The following PTPRB variants were observed in gnomAD, a reference collection of about 807,000 sequenced individuals.
The protein encoded by PTPRB is receptor-type tyrosine-protein phosphatase beta.
Under a neutral mutation model 238.1 loss-of-function variants are expected in PTPRB, and 97 were observed. The observed-to-expected ratio is 0.41, with a 90% CI of 0.35 to 0.48. The LOEUF is 0.48. Among genes scored for constraint, PTPRB ranks in the 20% least tolerant of loss-of-function variants. The pLI is 0.30. For missense variants in PTPRB, 2,292 were observed against 2,681.9 expected (o/e 0.85, Z 3.21); for synonymous variants, 970 against 995.4 (o/e 0.97, Z 0.48).
intron 1 of PTPRB, 114 bp from the exon 2 acceptor site, chr12:70,636,180 TG>T: frequency 9.2e-7 from 1 of 1,089,442 alleles, no homozygotes; most frequent in Non-Finnish European, 1.3e-6. Context: ...ACTTATATTT[TG>T]TTATTTCTAT....
intron 26 of PTPRB, chr12:70,539,235 G>A: frequency 1.8e-6 from 1 of 570,886 alleles, no homozygotes; most frequent in Middle Eastern, 4.5e-4. Flanking sequence ...GATAACTGAT[G>A]TGCCCCAGGT....
chr12:70,567,657 A>T (rs747330754), intron 14 of PTPRB, among the ~76,000 whole-genome samples: 10 of 152,192 alleles, frequency 6.6e-5, no homozygotes, highest in Non-Finnish European at 8.8e-5. Flanking sequence ...CCTATTGACC[A>T]GTCACTTGTG....
chr12:70,537,447 T>C (rs1334884298), intron 28 of PTPRB, among the ~76,000 whole-genome samples: 1 of 152,196 alleles, frequency 6.6e-6, no homozygotes, highest in African/African-American at 2.4e-5. Context: ...CCATTGCCTT[T>C]TCTTGCCTCA....
rs369157738 is a variant in PTPRB at position 70,587,106 on chromosome 12, A to G, written c.2212T>C (p.Phe738Leu). Residue 738 changes from phenylalanine (F) to leucine (L), a missense_variant, in exon 9 of 34, where the codon TTC (phenylalanine) becomes CTC (leucine). Around this residue, in one of 4 missense-constraint regions of PTPRB, gnomAD observed 1,205 missense variants for 1,287.8 expected, o/e 0.94. Transcript: ENST00000334414. ...CCAGGCACCAGGTCAGTAAAAGTGA[A>G]TTCTTTGGCATCTTTGGAGAGTGAC... ...HKSLSKDAKE[F>L]TFTDLVPGRK... 1.2e-6 allele frequency: 2 copies of G among 1,613,804 alleles called. No homozygotes were observed. Among genetic ancestry groups the G allele is most frequent in the Non-Finnish European group, 1.7e-6 (2 of 1,179,832 alleles).
chr12:70,529,118 T>TCAAA (rs1872810782), intron 32 of PTPRB, among the ~76,000 whole-genome samples: 1 of 152,024 alleles, frequency 6.6e-6, no homozygotes, highest in Non-Finnish European at 1.5e-5. Context: ...CTTGGGGAAC[T>TCAAA]CAAACATTAA....
chr12:70,565,334 T>C (rs994689506), intron 15 of PTPRB, among the ~76,000 whole-genome samples: 3 of 152,322 alleles, frequency 2.0e-5, no homozygotes, highest in African/African-American at 7.2e-5. Flanking sequence ...AGTCTCACCT[T>C]TCCATCATGC....
chr12:70,611,433 C>T (rs1041754574), intron 3 of PTPRB, among the ~76,000 whole-genome samples: 4 of 152,104 alleles, frequency 2.6e-5, no homozygotes, highest in Admixed American at 6.5e-5. Flanking sequence ...GGATTACAGG[C>T]GTGTGCCACT....
intron 33 of PTPRB, among the ~76,000 whole-genome samples, chr12:70,523,824 C>CT (rs1456767463): frequency 5.3e-5 from 8 of 151,104 alleles, no homozygotes; most frequent in South Asian, 2.1e-4. Context: ...CTTTTCTTTT[C>CT]TTTTTTTTGA....
intron 2 of PTPRB, among the ~76,000 whole-genome samples, chr12:70,625,470 C>A (rs1838107317): frequency 6.6e-6 from 1 of 151,702 alleles, no homozygotes; most frequent in East Asian, 1.9e-4. Flanking sequence ...AAATTTGAAT[C>A]ATTTCTTATG....
rs1185747628 is a variant in PTPRB, at chr12:70,555,303, G to C, written c.5000C>G (p.Pro1667Arg). 4 of 1,610,974 alleles carry C rather than the reference G, an allele frequency of 2.5e-6. No individual in the cohort carries two copies. The South Asian group carries it at 3.3e-5, about 13-fold the overall frequency. The change falls in exon 20 of 34, where the codon CCT (proline) becomes CGT (arginine). Residue 1667 changes from proline (P) to arginine (R), a missense_variant. By Grantham distance (103) the Pro-to-Arg change is moderately radical. Around this residue, in one of 4 missense-constraint regions of PTPRB, gnomAD observed 683 missense variants for 862.0 expected, o/e 0.79. Coordinates refer to ENST00000334414, the MANE Select transcript of PTPRB (RefSeq NM_001109754.4). ...DSTITMIDRPPPPPPHIRVNE... is the reference protein window; with the variant it reads ...DSTITMIDRPRPPPPHIRVNE... Reference sequence around the variant, plus strand: ...CACACGAATGTGTGGGGGTGGAGGAGGGGGGCCTGGAAAAAGAGGTGGGGA... The same window carrying C: ...CACACGAATGTGTGGGGGTGGAGGACGGGGGCCTGGAAAAAGAGGTGGGGA...
At chr12:70,618,567 A>G (rs1884780361) in intron 3 of PTPRB, among the ~76,000 whole-genome samples, 1 of 152,220 alleles carries the variant, frequency 6.6e-6, no homozygotes, top group Non-Finnish European at 1.5e-5. Context: ...TTTCTCTGAC[A>G]CAGAGTCCCA....
chr12:70,562,829 G>A lies in PTPRB; in HGVS notation c.4168+15C>T. On this transcript the variant is annotated intron_variant, in intron 16 of 33. Coordinates refer to ENST00000334414, the MANE Select transcript of PTPRB (RefSeq NM_001109754.4). ...ATTCCCCCACGATTCATTACTGCTT[G>A]GGTCTTGGTCTTACCTGTTCTACCA... 5.0e-6 allele frequency: 8 copies of A among 1,610,266 alleles called. No individual in the cohort carries two copies. The highest frequency in any genetic ancestry group is 6.8e-6 in the Non-Finnish European group (8 of 1,177,146).
At chr12:70,549,432 T>C (rs1322935992) in intron 21 of PTPRB, among the ~76,000 whole-genome samples, 1 of 152,204 alleles carries the variant, frequency 6.6e-6, no homozygotes, top group Non-Finnish European at 1.5e-5. Context: ...TGATCTGCCC[T>C]TTCTCTTTCC....
intron 5 of PTPRB, among the ~76,000 whole-genome samples, chr12:70,595,191 C>T (rs1882883095): frequency 6.6e-6 from 1 of 152,058 alleles, no homozygotes; most frequent in Non-Finnish European, 1.5e-5. Context: ...AGCAAACTAA[C>T]ACAGGAACAG....
chr12:70,541,071 C>G, intron 22 of PTPRB, 114 bp from the exon 23 acceptor site: 1 of 833,314 alleles, frequency 1.2e-6, no homozygotes, highest in Non-Finnish European at 1.9e-6. Context: ...AAATAGAATT[C>G]AAGTGATGCC....
chr12:70,538,868 A>G, intron 27 of PTPRB, 56 bp downstream of exon 27: 1 of 1,405,346 alleles, frequency 7.1e-7, no homozygotes, highest in Non-Finnish European at 1.0e-6. Flanking sequence ...TTTTTGGAGA[A>G]AAATGCAGAA....
At chr12:70,597,336 C>G (rs974504226) in intron 4 of PTPRB, among the ~76,000 whole-genome samples, 1 of 152,194 alleles carries the variant, frequency 6.6e-6, no homozygotes. Context: ...CTTATTTCAA[C>G]TCTCAAAGCC....
chr12:70,559,590 G>A lies in PTPRB; in HGVS notation c.4467C>T (p.Asp1489=). Residue 1489 remains aspartate, a synonymous_variant, in exon 18 of 34, where the codon GAC becomes GAT. Transcript: ENST00000334414. ...TGATGGCCAAGGATGTGTTTGCAAT[G>A]TCAGCAAATGACATAAGACTGGGAG... is the stretch of plus-strand genomic sequence containing the variant. ...PSPPSLMSFA[D]IANTSLAITW... is the part of the protein sequence containing the mutation. 1 of 1,612,748 alleles carries A rather than the reference G, an allele frequency of 6.2e-7. No homozygotes were observed. The highest frequency in any genetic ancestry group is 1.1e-5 in the South Asian group (1 of 91,036).
In PTPRB at chr12:70,622,405, G is replaced by A; in HGVS notation, c.693C>T (p.Ser231=). ...SWVLSTTQPF[S]STTEETGLAE... Reference sequence around the variant, plus strand: ...CTCCTTTTACCTCTTCAGTGGTGCTGGAGAAGGGCTGAGTAGTCGACAAAA... The same window carrying A: ...CTCCTTTTACCTCTTCAGTGGTGCTAGAGAAGGGCTGAGTAGTCGACAAAA... Residue 231 remains serine, a synonymous_variant, in exon 3 of 34, where the codon TCC becomes TCT. Coordinates refer to ENST00000334414, the MANE Select transcript of PTPRB (RefSeq NM_001109754.4). 6.2e-7 allele frequency: 1 copy of A among 1,611,976 alleles called. No individual in the cohort carries two copies. Among genetic ancestry groups the A allele is most frequent in the Non-Finnish European group, 8.5e-7 (1 of 1,179,570 alleles).
Sources: gnomAD v4.1 joint callset for allele counts (sites outside exome capture counted in the v4.1 genomes callset) on GRCh38, gnomAD v4.1.1 for gene constraint, gnomAD v4.1.1 regional missense constraint, MANE v1.5 for transcripts, NCBI Gene and HGNC (gene_info 2026-07-23, HGNC 2026-07-21) for gene names.